ST7: variants seen among roughly 807,000 people sequenced by gnomAD.
ST7 encodes the protein suppression of tumorigenicity 7.
A neutral mutation model predicts 78.7 loss-of-function variants in ST7; 28 were observed. That is an observed-to-expected ratio of 0.36 (90% CI 0.26 to 0.49). The LOEUF (loss-of-function observed/expected upper bound fraction) is 0.49. Among genes scored for constraint, ST7 ranks in the 20% least tolerant of loss-of-function variants. The pLI is 0.99. For synonymous variants in ST7, 247 were observed against 249.6 expected, an observed-to-expected ratio of 0.99 and a Z score of 0.10; for missense variants, 418 against 696.0, an observed-to-expected ratio of 0.60 and a Z score of 4.49.
chr7:117,225,520 G>A (rs868302223), intron 15 of ST7, among the ~76,000 whole-genome samples: 13 of 152,072 alleles, frequency 8.5e-5, no homozygotes, highest in Non-Finnish European at 1.5e-4. Flanking sequence ...TTCTCCCGCC[G>A]CCTCCTCGAC....
At chr7:117,011,074 C>A (rs1034588426) in intron 1 of ST7, among the ~76,000 whole-genome samples, 1 of 152,164 alleles carries the variant, frequency 6.6e-6, no homozygotes, top group African/African-American at 2.4e-5. Flanking sequence ...AGAGGTGTGA[C>A]CCACCAGGTC....
At chr7:116,964,050 T>TA (rs2116192750) in intron 1 of ST7, among the ~76,000 whole-genome samples, 1 of 152,276 alleles carries the variant, frequency 6.6e-6, no homozygotes, top group South Asian at 2.1e-4. Flanking sequence ...TTTTATTATT[T>TA]AAAAAAATTA....
At chr7:117,202,329 A>G (rs1810947993) in intron 12 of ST7, among the ~76,000 whole-genome samples, 1 of 152,012 alleles carries the variant, frequency 6.6e-6, no homozygotes, top group African/African-American at 2.4e-5. Context: ...CAGAACACCC[A>G]CATTTGTGTC....
intron 1 of ST7, among the ~76,000 whole-genome samples, chr7:117,099,067 A>C (rs905299102): frequency 1.2e-5 from 1 of 85,824 alleles, no homozygotes; most frequent in Non-Finnish European, 2.7e-5. Flanking sequence ...AAAAAAAAAC[A>C]AAAAAAAAAG....
chr7:117,219,493 G>A lies in ST7; in HGVS notation c.1498+317G>A, dbSNP rs1792929923. Among the ~76,000 whole-genome samples, 1 of 152,212 alleles carries A rather than the reference G, an allele frequency of 6.6e-6. No homozygotes were observed. The highest frequency in any genetic ancestry group is 1.5e-5 in the Non-Finnish European group (1 of 68,036). Reference sequence around the variant, plus strand: ...TGTCTGCTGGGCTGGTCCATTGTGAGGGTTCTGCCTGGGCTCTTCAGCTGG... The same window carrying A: ...TGTCTGCTGGGCTGGTCCATTGTGAAGGTTCTGCCTGGGCTCTTCAGCTGG... On this transcript the variant is annotated intron_variant, in intron 14 of 15. Transcript: ENST00000323984. The surrounding 1 kb of genome is among the most constrained non-coding windows in gnomAD (Gnocchi z 5.1).
chr7:117,130,444 G>T, intron 4 of ST7, 47 bp from the exon 5 acceptor site: 1 of 1,393,234 alleles, frequency 7.2e-7, no homozygotes, highest in Non-Finnish European at 1.0e-6. Flanking sequence ...TATAGGTCTT[G>T]CTTTTCTCTC....
intron 1 of ST7, among the ~76,000 whole-genome samples, chr7:117,082,175 C>A (rs1356289133): frequency 3.3e-5 from 5 of 152,104 alleles, no homozygotes; most frequent in Non-Finnish European, 5.9e-5. Context: ...CTACAAAATA[C>A]CTTCACAGCA....
chr7:116,989,513 G>GTT (rs986686115), intron 1 of ST7, among the ~76,000 whole-genome samples: 63 of 145,042 alleles, frequency 4.3e-4, no homozygotes, highest in African/African-American at 1.4e-3. Flanking sequence ...ATCTCTCTGA[G>GTT]TTTTTTTTTT....
chr7:116,997,527 G>A (rs1211375995), intron 1 of ST7, among the ~76,000 whole-genome samples: 2 of 151,586 alleles, frequency 1.3e-5, no homozygotes, highest in Non-Finnish European at 2.9e-5. Context: ...CTAGACACAG[G>A]GTGCTGATTG....
chr7:116,972,421 A>G, intron 1 of ST7: 1 of 710,130 alleles, frequency 1.4e-6, no homozygotes, highest in Non-Finnish European at 2.5e-6. Flanking sequence ...ATTCTGGTCC[A>G]TCAGTCTGAT....
intron 1 of ST7, among the ~76,000 whole-genome samples, chr7:117,045,091 G>T (rs181225225): frequency 1.1e-4 from 17 of 152,030 alleles, no homozygotes; most frequent in African/African-American, 4.1e-4. Context: ...ACCTTCAAAT[G>T]TATCACCATT....
At chr7:117,067,714 A>G (rs771582518) in intron 1 of ST7, among the ~76,000 whole-genome samples, 2 of 152,184 alleles carry the variant, frequency 1.3e-5, no homozygotes, top group Admixed American at 6.5e-5. Context: ...TTAAAAGTTG[A>G]GATCTACTTG....
At chr7:117,058,704 G>A (rs1428137492) in intron 1 of ST7, among the ~76,000 whole-genome samples, 2 of 152,124 alleles carry the variant, frequency 1.3e-5, no homozygotes, top group African/African-American at 4.8e-5. Context: ...AACAACTACT[G>A]TGTGATGGTA....
chr7:117,199,270 C>G (rs960634332), intron 12 of ST7: 1 of 152,240 alleles, frequency 6.6e-6, no homozygotes, highest in African/African-American at 2.4e-5. Flanking sequence ...ATGCTTTTTT[C>G]AGACCAGGCC....
chr7:117,044,644 G>C (rs888233938), intron 1 of ST7, among the ~76,000 whole-genome samples: 8 of 152,122 alleles, frequency 5.3e-5, no homozygotes, highest in African/African-American at 1.9e-4. Flanking sequence ...TTCATTCAGG[G>C]GAAAAGGAAT....
chr7:116,994,375 A>T (rs553233914), intron 1 of ST7, among the ~76,000 whole-genome samples: 3 of 152,356 alleles, frequency 2.0e-5, no homozygotes, highest in Non-Finnish European at 4.4e-5. Context: ...AATAAAAAAT[A>T]CTTCACTCTC....
At position 117,039,093 on chromosome 7, in the gene ST7, T is replaced by C. The variant is rs562404485; in HGVS notation, c.152-60669T>C. 1.8e-4 allele frequency among the ~76,000 whole-genome samples: 27 copies of C among 152,254 alleles called. 1 individual carries two copies. In the South Asian group the frequency reaches 5.4e-3, roughly 30 times the overall value. On this transcript the variant is annotated intron_variant, in intron 1 of 15. Coordinates refer to ENST00000323984, the MANE Select transcript of ST7 (RefSeq NM_001369598.1). ...TATGAGTGGTTACTTAGGTTTTCTT[T>C]TTTTGCATTTTTTTCTCTATAAATA...
In ST7 at chr7:117,190,697, G is replaced by A. The variant is rs200540784; in HGVS notation, c.1152-137G>A. ...CCTCGGTCCGTGGGGTCACTCAGAGGTTCCATGCAGTAGAAGTTTGGAGAG... is the reference window on the plus strand; with the variant it reads ...CCTCGGTCCGTGGGGTCACTCAGAGATTCCATGCAGTAGAAGTTTGGAGAG... On this transcript the variant is annotated intron_variant, in intron 11 of 15. Coordinates refer to ENST00000323984, the MANE Select transcript of ST7 (RefSeq NM_001369598.1). The surrounding 1 kb of genome is among the most constrained non-coding windows in gnomAD (Gnocchi z 5.2). 13 of 652,126 alleles carry A rather than the reference G, an allele frequency of 2.0e-5. No individual in the cohort carries two copies. Among genetic ancestry groups the A allele is most frequent in the Non-Finnish European group, 3.2e-5 (12 of 374,578 alleles). 40.4% of individuals were successfully genotyped at this position (652,126 alleles called of 1,614,324 possible). A position where few individuals can be genotyped will look rare whatever the true frequency, so the allele number is the denominator to read the frequency against.
At position 116,991,759 on chromosome 7, in the gene ST7, C is replaced by T. The variant is rs186936441; in HGVS notation, c.151+38068C>T. Among the ~76,000 whole-genome samples, 3 of 152,292 alleles carry T rather than the reference C, an allele frequency of 2.0e-5. No individual in the cohort carries two copies. The East Asian group carries it at 5.8e-4, about 29-fold the overall frequency. ...AAGTCTTAACTCATTTCAGCATTAA[C>T]CCAAAAGTCCACAGTCCAAAGTTAC... On this transcript the variant is annotated intron_variant, in intron 1 of 15. Transcript: ENST00000323984.
Sources: allele counts gnomAD v4.1 joint callset (sites outside exome capture counted in the v4.1 genomes callset), GRCh38; gene constraint gnomAD v4.1.1; non-coding constraint Gnocchi (gnomAD v3.1); transcripts MANE v1.5; gene names NCBI Gene and HGNC (gene_info 2026-07-23, HGNC 2026-07-21).